Variants in TMPRSS15 observed in about 807,000 individuals in gnomAD.
The protein encoded by TMPRSS15 is enteropeptidase.
A neutral mutation model predicts 125.3 loss-of-function variants in TMPRSS15; 128 were observed. The observed-to-expected ratio is 1.02, with a 90% CI of 0.89 to 1.18. TMPRSS15 has a LOEUF of 1.18. TMPRSS15 is among the 50% of genes most tolerant of loss of function. The pLI, the probability that TMPRSS15 is intolerant of heterozygous loss-of-function variation, is 0.00. For synonymous variants in TMPRSS15, 446 were observed against 423.2 expected (o/e 1.05, Z -0.66); for missense variants, 1,283 against 1,212.7 (o/e 1.06, Z -0.86).
At chr21:18,383,887 A>C in intron 3 of TMPRSS15, 109 bp from the exon 4 acceptor site, 2 of 1,274,434 alleles carry the variant, frequency 1.6e-6, no homozygotes, top group Non-Finnish European at 2.2e-6. Flanking sequence ...CATCTTGCTA[A>C]TTCTCATTAT....
At chr21:18,352,016 G>A (rs989626206) in intron 10 of TMPRSS15, among the ~76,000 whole-genome samples, 2 of 151,988 alleles carry the variant, frequency 1.3e-5, no homozygotes, top group Admixed American at 6.6e-5. Context: ...TTATCAGCAA[G>A]TCATATTATA....
chr21:18,428,751 G>A (rs1279491646), intron 1 of TMPRSS15, among the ~76,000 whole-genome samples: 2 of 152,222 alleles, frequency 1.3e-5, no homozygotes, highest in Non-Finnish European at 2.9e-5. Context: ...TGTCCAGGCA[G>A]AAGTTTGCTG....
At chr21:18,354,448 A>T (rs955163477) in intron 8 of TMPRSS15, among the ~76,000 whole-genome samples, 2 of 151,544 alleles carry the variant, frequency 1.3e-5, no homozygotes, top group East Asian at 3.9e-4. Flanking sequence ...GATTGTCAAG[A>T]GTTAGTATAA....
chr21:18,295,504 C>T (rs906634431), intron 19 of TMPRSS15, among the ~76,000 whole-genome samples: 3 of 152,126 alleles, frequency 2.0e-5, no homozygotes, highest in African/African-American at 7.2e-5. Flanking sequence ...ATATACTTAG[C>T]TACAGCTAAT....
intron 6 of TMPRSS15, among the ~76,000 whole-genome samples, chr21:18,365,600 T>A (rs2075722068): frequency 8.7e-6 from 1 of 115,126 alleles, no homozygotes. Flanking sequence ...CCTTCCTTCC[T>A]TCTTTCCTTC....
chr21:18,367,582 T>C (rs926319243), intron 6 of TMPRSS15, among the ~76,000 whole-genome samples: 1 of 152,192 alleles, frequency 6.6e-6, no homozygotes, highest in Non-Finnish European at 1.5e-5. Flanking sequence ...TCAAAGATTG[T>C]AGACAGTGTA....
intron 1 of TMPRSS15, among the ~76,000 whole-genome samples, chr21:18,475,402 G>A (rs1201688596): frequency 6.6e-6 from 1 of 152,068 alleles, no homozygotes; most frequent in Non-Finnish European, 1.5e-5. Context: ...GACCAGCCTG[G>A]GCAACATGGC....
Position 18,332,111 on chromosome 21 carries a change from GA to G in TMPRSS15, c.1626del (p.Pro543GlnfsTer14). On this transcript the variant is annotated frameshift_variant, in exon 14 of 25. Transcript: ENST00000284885. LOFTEE classifies it high-confidence loss of function. The stretch of plus-strand genomic sequence containing the variant: ...AAAGCCAGATTAGGGTAGCTGTTTG[GA>G]AAGTTCGTAGAACTGAATGTTGTAT... ...EPNTTFSSTNFPNSYPNLAFC... is the reference protein window; with the variant it reads ...EPNTTFSSTNXPNSYPNLAFC... 1 of 1,614,078 alleles carries G rather than the reference GA, an allele frequency of 6.2e-7. No homozygotes were observed. Among genetic ancestry groups the G allele is most frequent in the East Asian group, 2.2e-5 (1 of 44,870 alleles).
chr21:18,280,580 A>AG (rs1568979147), intron 22 of TMPRSS15, among the ~76,000 whole-genome samples: 1 of 147,654 alleles, frequency 6.8e-6, no homozygotes, highest in African/African-American at 2.6e-5. Context: ...CGTCTCAAAA[A>AG]AAAAAAAAAA....
intron 1 of TMPRSS15, among the ~76,000 whole-genome samples, chr21:18,416,281 A>C (rs1275250255): frequency 2.6e-5 from 4 of 152,032 alleles, no homozygotes; most frequent in Admixed American, 6.5e-5. Flanking sequence ...TTTTACAGAA[A>C]TAGAGAAAAG....
chr21:18,291,949 G>C (rs1156230345), intron 21 of TMPRSS15, among the ~76,000 whole-genome samples: 1 of 152,128 alleles, frequency 6.6e-6, no homozygotes, highest in Admixed American at 6.6e-5. Context: ...ACCATTTTAA[G>C]TTCAGCCCCA....
At chr21:18,297,281 G>A (rs2074917996) in intron 19 of TMPRSS15, among the ~76,000 whole-genome samples, 1 of 152,152 alleles carries the variant, frequency 6.6e-6, no homozygotes, top group South Asian at 2.1e-4. Flanking sequence ...TAATATTCAT[G>A]ATCTATTTGC....
At chr21:18,411,721 CAT>C (rs1433726705) in intron 1 of TMPRSS15, among the ~76,000 whole-genome samples, 1 of 152,184 alleles carries the variant, frequency 6.6e-6, no homozygotes, top group Non-Finnish European at 1.5e-5. Flanking sequence ...TCCCACTCCA[CAT>C]GTGGTTTTTT....
intron 1 of TMPRSS15, among the ~76,000 whole-genome samples, chr21:18,481,234 A>G (rs967722174): frequency 6.6e-6 from 1 of 151,698 alleles, no homozygotes; most frequent in African/African-American, 2.4e-5. Context: ...GACTTCATCT[A>G]TTTTCTTAAC....
intron 16 of TMPRSS15, among the ~76,000 whole-genome samples, chr21:18,322,675 T>C (rs368286278): frequency 6.6e-6 from 1 of 152,122 alleles, no homozygotes; most frequent in East Asian, 1.9e-4. Context: ...GCTAAATTAA[T>C]TGATTTCATG....
At chr21:18,374,932 T>C (rs945269807) in intron 5 of TMPRSS15, among the ~76,000 whole-genome samples, 15 of 152,216 alleles carry the variant, frequency 9.9e-5, no homozygotes, top group African/African-American at 3.4e-4. Flanking sequence ...GAATTGGCAG[T>C]TGAATTACTG....
intron 5 of TMPRSS15, among the ~76,000 whole-genome samples, chr21:18,378,161 A>G (rs1272404895): frequency 6.6e-6 from 1 of 152,128 alleles, no homozygotes; most frequent in African/African-American, 2.4e-5. Flanking sequence ...TTTTCAAAAT[A>G]TATTTAGCTT....
intron 12 of TMPRSS15, among the ~76,000 whole-genome samples, chr21:18,343,117 T>C (rs931139352): frequency 6.6e-6 from 1 of 152,160 alleles, no homozygotes; most frequent in Non-Finnish European, 1.5e-5. Context: ...CCTATGGGCA[T>C]AGGCATAGAA....
chr21:18,445,838 C>T (rs1449819533), intron 1 of TMPRSS15, among the ~76,000 whole-genome samples: 1 of 152,138 alleles, frequency 6.6e-6, no homozygotes, highest in Non-Finnish European at 1.5e-5. Context: ...ATATCAAACC[C>T]ATAGCTAGCA....
Sources: gnomAD v4.1 joint callset for allele counts (sites outside exome capture counted in the v4.1 genomes callset) on GRCh38, gnomAD v4.1.1 for gene constraint, MANE v1.5 for transcripts, NCBI Gene and HGNC (gene_info 2026-07-23, HGNC 2026-07-21) for gene names.